Variants in TRAPPC12 observed in about 807,000 individuals in gnomAD.
TRAPPC12 encodes trafficking protein particle complex subunit 12.
Under a neutral mutation model 69.2 loss-of-function variants are expected in TRAPPC12, and 61 were observed. The ratio of observed to expected loss-of-function variants is 0.88; its 90% CI spans 0.72 to 1.09. TRAPPC12 has a LOEUF of 1.09. Among genes scored for constraint, TRAPPC12 ranks in the 50% least tolerant of loss-of-function variants. The probability of loss-of-function intolerance (pLI) is 0.00; values close to 1 mark genes in which losing one functional copy is unlikely to be tolerated. For missense variants in TRAPPC12, 1,101 were observed against 1,016.4 expected (o/e 1.08, Z -1.13); for synonymous variants, 469 against 438.9 (o/e 1.07, Z -0.86).
At chr2:3,390,216 C>T (rs1001876860) in intron 2 of TRAPPC12, among the ~76,000 whole-genome samples, 1 of 152,166 alleles carries the variant, frequency 6.6e-6, no homozygotes, top group Non-Finnish European at 1.5e-5. Flanking sequence ...CCATCACACT[C>T]GAGTCATTTC....
chr2:3,479,005 G>C (rs375197395), intron 11 of TRAPPC12, 72 bp downstream of exon 11: 2 of 1,521,734 alleles, frequency 1.3e-6, no homozygotes, highest in Non-Finnish European at 1.8e-6. Flanking sequence ...ACCCACACAC[G>C]TCTCAGCAGG....
chr2:3,442,375 G>A (rs565959604), intron 5 of TRAPPC12, among the ~76,000 whole-genome samples: 1 of 152,156 alleles, frequency 6.6e-6, no homozygotes, highest in African/African-American at 2.4e-5. Context: ...GAAGTGACGT[G>A]GCTTACATAT....
At chr2:3,442,385 T>A (rs1297971830) in intron 5 of TRAPPC12, among the ~76,000 whole-genome samples, 2 of 152,202 alleles carry the variant, frequency 1.3e-5, no homozygotes, top group Admixed American at 1.3e-4. Context: ...GGCTTACATA[T>A]AACTTACCAT....
intron 6 of TRAPPC12, among the ~76,000 whole-genome samples, chr2:3,450,784 T>G (rs552472078): frequency 3.9e-5 from 6 of 152,234 alleles, no homozygotes; most frequent in African/African-American, 1.4e-4. Context: ...ACTTAGTAAG[T>G]TCTCAGGTCC....
chr2:3,435,019 GTTC>G (rs771254595), intron 5 of TRAPPC12, among the ~76,000 whole-genome samples: 8 of 152,294 alleles, frequency 5.3e-5, no homozygotes, highest in East Asian at 3.9e-4. Flanking sequence ...TGGTTTGTAT[GTTC>G]TTCTTTTTGA....
At chr2:3,456,869 G>A (rs1016056400) in intron 6 of TRAPPC12, 43 of 309,180 alleles carry the variant, frequency 1.4e-4, no homozygotes, top group African/African-American at 9.0e-4. Flanking sequence ...TTGAGCCACC[G>A]CTCAATCCCA....
At chr2:3,435,907 C>T (rs185878255) in intron 5 of TRAPPC12, among the ~76,000 whole-genome samples, 8 of 152,244 alleles carry the variant, frequency 5.3e-5, no homozygotes, top group Admixed American at 3.9e-4. Context: ...TTAATTTGAT[C>T]CTAAGGAAGG....
intron 5 of TRAPPC12, among the ~76,000 whole-genome samples, chr2:3,441,532 G>A (rs1294087997): frequency 6.6e-6 from 1 of 151,586 alleles, no homozygotes; most frequent in Non-Finnish European, 1.5e-5. Flanking sequence ...TATTGGTCTT[G>A]TCAAAGAATA....
At chr2:3,462,831 G>A in intron 8 of TRAPPC12, 1 of 448,516 alleles carries the variant, frequency 2.2e-6, no homozygotes, top group Non-Finnish European at 4.7e-6. Context: ...CCCCTGGGAG[G>A]CCACTTCCCT....
At chr2:3,438,219 C>T (rs62120508) in intron 5 of TRAPPC12, among the ~76,000 whole-genome samples, 25,767 of 80,046 alleles carry the variant, frequency 0.32, 5,395 homozygotes, top group South Asian at 0.42. Context: ...CATCCCCCAC[C>T]ACCCCTGGAT....
intron 5 of TRAPPC12, among the ~76,000 whole-genome samples, chr2:3,428,012 G>C (rs1013996496): frequency 1.3e-5 from 2 of 152,156 alleles, no homozygotes; most frequent in Non-Finnish European, 2.9e-5. Flanking sequence ...CCGTGGCACT[G>C]TTTACCCATC....
intron 6 of TRAPPC12, among the ~76,000 whole-genome samples, chr2:3,450,506 C>T (rs186054262): frequency 2.6e-5 from 4 of 152,276 alleles, no homozygotes; most frequent in South Asian, 4.1e-4. Flanking sequence ...GTGTCCGCTT[C>T]GGCCTTCTTT....
At chr2:3,458,292 C>A (rs542660063) in intron 7 of TRAPPC12, 5 of 987,078 alleles carry the variant, frequency 5.1e-6, no homozygotes, top group Non-Finnish European at 6.0e-6. Context: ...TGCTTGGAAA[C>A]CTGGCCTGAG....
intron 3 of TRAPPC12, among the ~76,000 whole-genome samples, chr2:3,415,962 C>A (rs1234226160): frequency 6.6e-6 from 1 of 151,838 alleles, no homozygotes; most frequent in Non-Finnish European, 1.5e-5. Flanking sequence ...ATGATCCGCC[C>A]CCCTCAGCCT....
intron 2 of TRAPPC12, among the ~76,000 whole-genome samples, chr2:3,396,802 T>C (rs540683106): frequency 1.9e-4 from 29 of 152,330 alleles, no homozygotes; most frequent in African/African-American, 7.0e-4. Context: ...CATTTTTCTT[T>C]TATCATTTTC....
intron 3 of TRAPPC12, among the ~76,000 whole-genome samples, chr2:3,410,337 T>C (rs1661991730): frequency 6.6e-6 from 1 of 152,150 alleles, no homozygotes; most frequent in South Asian, 2.1e-4. Flanking sequence ...AAGCCACTTT[T>C]TAAAAGATTT....
chr2:3,396,715 T>C (rs1450578303), intron 2 of TRAPPC12, among the ~76,000 whole-genome samples: 5 of 152,254 alleles, frequency 3.3e-5, no homozygotes, highest in Admixed American at 2.0e-4. Flanking sequence ...TCAGACTTTT[T>C]AGTTTGCAGC....
chr2:3,462,936 C>T (rs773091427), intron 8 of TRAPPC12: 5 of 471,044 alleles, frequency 1.1e-5, no homozygotes, highest in East Asian at 6.9e-5. Context: ...AGCTACCTTC[C>T]GTCTTGCTGA....
chr2:3,422,647 C>G (rs2103056475), intron 4 of TRAPPC12, among the ~76,000 whole-genome samples: 1 of 152,182 alleles, frequency 6.6e-6, no homozygotes, highest in East Asian at 1.9e-4. Context: ...CTGGGGAGCC[C>G]TGACAGCTTA....
Sources: allele counts gnomAD v4.1 joint callset (sites outside exome capture counted in the v4.1 genomes callset), GRCh38; gene constraint gnomAD v4.1.1; transcripts MANE v1.5; gene names NCBI Gene and HGNC (gene_info 2026-07-23, HGNC 2026-07-21).